Variants in ANK3 observed in about 807,000 individuals in gnomAD.
ANK3 encodes ankyrin 3, also known as ankyrin-3.
In ANK3, 57 loss-of-function variants were observed where a neutral mutation model predicts 370.9. The ratio of observed to expected loss-of-function variants is 0.15; its 90% CI spans 0.12 to 0.19. The LOEUF (loss-of-function observed/expected upper bound fraction) is 0.19, where lower values mean the gene tolerates loss of function less well. ANK3 is among the 10% of genes least tolerant of loss of function. The pLI, the probability that ANK3 is intolerant of heterozygous loss-of-function variation, is 1.00. For synonymous variants in ANK3, 1,929 were observed against 1,946.3 expected (o/e 0.99, Z 0.23); for missense variants, 4,439 against 5,302.1 (o/e 0.84, Z 5.06).
intron 8 of ANK3, among the ~76,000 whole-genome samples, chr10:60,223,578 G>A (rs554289156): frequency 6.6e-6 from 1 of 152,196 alleles, no homozygotes; most frequent in South Asian, 2.1e-4. Context: ...ATGAATGAAT[G>A]GAGTGAGTGA....
At chr10:60,679,941 G>A (rs2079172417) in intron 1 of ANK3, among the ~76,000 whole-genome samples, 1 of 151,994 alleles carries the variant, frequency 6.6e-6, no homozygotes, top group Admixed American at 6.6e-5. Context: ...TTCAAGACCA[G>A]CCTGGTCAAC....
chr10:60,666,466 C>G (rs2078997478), intron 1 of ANK3, among the ~76,000 whole-genome samples: 3 of 152,138 alleles, frequency 2.0e-5, no homozygotes, highest in South Asian at 4.1e-4. Flanking sequence ...GTCAGCGTAA[C>G]ATCCATTTGC....
chr10:60,474,437 G>A (rs1335186514), intron 2 of ANK3, among the ~76,000 whole-genome samples: 1 of 152,168 alleles, frequency 6.6e-6, no homozygotes, highest in Non-Finnish European at 1.5e-5. Flanking sequence ...GGGAAAGGAT[G>A]AAAGATGCCT....
At position 60,042,743 on chromosome 10, in the gene ANK3, T is replaced by A. The variant is rs2076325400; in HGVS notation, c.13082A>T (p.Lys4361Met). ...CCGGATTTCTTTCTTCGTTTTCACC[T>A]TAAAACCTTCTCCCTGCTTTGAAAG... ...GSEQKQGEGF[K>M]VKTKKEIRHV... Residue 4361 changes from lysine to methionine, a missense_variant, in exon 43 of 44, where the codon AAG (lysine) becomes ATG (methionine). Physicochemically the swap from Lys to Met is moderately conservative, Grantham distance 95. Coordinates refer to ENST00000280772, the MANE Select transcript of ANK3 (RefSeq NM_020987.5). 5.0e-6 allele frequency: 8 copies of A among 1,613,594 alleles called. No individual in the cohort carries two copies. Among genetic ancestry groups the A allele is most frequent in the Non-Finnish European group, 6.8e-6 (8 of 1,179,980 alleles).
rs2082759447 is a variant in ANK3 at position 60,071,872 on chromosome 10, T to C, written c.9009A>G (p.Thr3003=). ...KLSQSSMSKE[T]VETQHFNSIE... ...TAGAATTAAAGTGCTGTGTCTCAACTGTCTCTTTACTCATGCTTGACTGGG... is the reference window on the plus strand; with the variant it reads ...TAGAATTAAAGTGCTGTGTCTCAACCGTCTCTTTACTCATGCTTGACTGGG... Residue 3003 remains threonine (T), a synonymous_variant, in exon 37 of 44, where the codon ACA becomes ACG. Transcript: ENST00000280772. The C allele has an allele frequency of 6.2e-7, 1 of 1,613,996 alleles. No individual in the cohort carries two copies. Among genetic ancestry groups the C allele is most frequent in the African/African-American group, 1.3e-5 (1 of 74,930 alleles).
Position 60,073,166 on chromosome 10 carries a change from A to G in ANK3, c.7715T>C (p.Ile2572Thr), listed in dbSNP as rs61732398. The G allele has an allele frequency of 1.8e-3, 2,837 of 1,614,054 alleles. 34 individuals carry two copies. In the African/African-American group the frequency reaches 0.032, roughly 18 times the overall value. Residue 2572 changes from isoleucine (I) to threonine (T), a missense_variant, in exon 37 of 44, where the codon ATA (isoleucine) becomes ACA (threonine). By Grantham distance (89) the Ile-to-Thr change is moderately conservative. Coordinates refer to ENST00000280772, the MANE Select transcript of ANK3 (RefSeq NM_020987.5). ...AGTCCTGTCCACCCTATCTTCATATATCAACTTCTCTCTACCTCTGTCTAA... is the reference window on the plus strand; with the variant it reads ...AGTCCTGTCCACCCTATCTTCATATGTCAACTTCTCTCTACCTCTGTCTAA... Reference protein sequence around the residue: ...DRLDRGREKLIYEDRVDRTVK... With the variant: ...DRLDRGREKLTYEDRVDRTVK...
chr10:60,385,107 G>A (rs111544964), intron 1 of ANK3, among the ~76,000 whole-genome samples: 3,100 of 152,080 alleles, frequency 0.02, 48 homozygotes, highest in African/African-American at 0.039. Context: ...GTCTCTCCCC[G>A]CTTTGAGCAG....
At chr10:60,136,623 CTTCTT>C (rs1326360171) in intron 24 of ANK3, among the ~76,000 whole-genome samples, 1 of 152,178 alleles carries the variant, frequency 6.6e-6, no homozygotes, top group Non-Finnish European at 1.5e-5. Context: ...ACATCTCCTC[CTTCTT>C]TTAATTTCTC....
At chr10:60,096,424 T>G (rs73257308) in intron 28 of ANK3, among the ~76,000 whole-genome samples, 7 of 152,180 alleles carry the variant, frequency 4.6e-5, no homozygotes, top group Admixed American at 6.5e-5. Flanking sequence ...GACAAAATAA[T>G]CTGCGGCACA....
chr10:60,332,147 A>G (rs1265207033), intron 1 of ANK3, among the ~76,000 whole-genome samples: 1 of 152,134 alleles, frequency 6.6e-6, no homozygotes, highest in African/African-American at 2.4e-5. Flanking sequence ...GATTAAAACT[A>G]ATTAAGACAT....
intron 1 of ANK3, among the ~76,000 whole-genome samples, chr10:60,682,390 G>A (rs538267221): frequency 8.5e-4 from 97 of 114,128 alleles, no homozygotes; most frequent in African/African-American, 2.5e-3. Flanking sequence ...CAACTTCTCC[G>A]AGCCTCATTT....
chr10:60,684,375 TGAGA>T (rs1198918731), intron 1 of ANK3: 1 of 518,900 alleles, frequency 1.9e-6, no homozygotes, highest in Non-Finnish European at 3.3e-6. Flanking sequence ...CCCCAGCGGC[TGAGA>T]GAGACGTTGA....
At chr10:60,396,431 T>G (rs1314100187) in intron 2 of ANK3, among the ~76,000 whole-genome samples, 1 of 152,220 alleles carries the variant, frequency 6.6e-6, no homozygotes. Flanking sequence ...TCTCAAGTAA[T>G]GTGTTCAATT....
intron 42 of ANK3, chr10:60,044,292 A>T: frequency 3.0e-6 from 3 of 984,926 alleles, no homozygotes; most frequent in Non-Finnish European, 3.6e-6. Context: ...TGCCTTCTTC[A>T]TCAGTAAATT....
intron 23 of ANK3, chr10:60,139,997 C>A: frequency 3.7e-6 from 1 of 270,820 alleles, no homozygotes; most frequent in Non-Finnish European, 6.9e-6. Flanking sequence ...TCTTTCTGGA[C>A]GCAAGCTTCA....
At chr10:60,358,440 C>T (rs1392825623) in intron 1 of ANK3, among the ~76,000 whole-genome samples, 2 of 152,126 alleles carry the variant, frequency 1.3e-5, no homozygotes, top group African/African-American at 4.8e-5. Context: ...TGGTCTTTCC[C>T]CTGCCTCACT....
intron 2 of ANK3, among the ~76,000 whole-genome samples, chr10:60,561,136 G>C (rs2077325248): frequency 6.6e-6 from 1 of 152,132 alleles, no homozygotes; most frequent in African/African-American, 2.4e-5. Flanking sequence ...TTTGTTTCAA[G>C]GAATTAGCGT....
At chr10:60,510,559 A>G (rs559369277) in intron 2 of ANK3, among the ~76,000 whole-genome samples, 8 of 152,300 alleles carry the variant, frequency 5.3e-5, no homozygotes, top group Non-Finnish European at 1.0e-4. Flanking sequence ...GCTCACGCCT[A>G]TAACAGCACT....
At chr10:60,331,162 T>C (rs905939866) in intron 1 of ANK3, among the ~76,000 whole-genome samples, 3 of 152,104 alleles carry the variant, frequency 2.0e-5, no homozygotes, top group Non-Finnish European at 4.4e-5. Context: ...AAATACCTAA[T>C]GTAGATGATG....
Sources: allele counts gnomAD v4.1 joint callset (sites outside exome capture counted in the v4.1 genomes callset), GRCh38; gene constraint gnomAD v4.1.1; transcripts MANE v1.5; gene names NCBI Gene and HGNC (gene_info 2026-07-23, HGNC 2026-07-21).